The following MRAS variants were observed in gnomAD, a reference collection of about 807,000 sequenced individuals.
The protein encoded by MRAS is ras-related protein M-Ras.
MRAS carries 4 observed loss-of-function variants against 20.9 expected under a neutral mutation model. The observed-to-expected ratio is 0.19, with a 90% CI of 0.09 to 0.44. The LOEUF is 0.44. Among genes scored for constraint, MRAS ranks in the 20% least tolerant of loss-of-function variants. MRAS has a pLI of 0.99. For synonymous variants in MRAS, 98 were observed against 102.9 expected (o/e 0.95, Z 0.29); for missense variants, 154 against 277.5 (o/e 0.56, Z 3.16).
At chr3:138,381,195 C>A (rs978313842) in intron 2 of MRAS, among the ~76,000 whole-genome samples, 2 of 152,224 alleles carry the variant, frequency 1.3e-5, no homozygotes, top group Non-Finnish European at 2.9e-5. Context: ...AATAACGCTG[C>A]TATGAGCATG....
chr3:138,359,983 ATTC>A (rs1460736782), intron 1 of MRAS, among the ~76,000 whole-genome samples: 1 of 152,330 alleles, frequency 6.6e-6, no homozygotes, highest in Admixed American at 6.5e-5. Context: ...ATTGCTGGCT[ATTC>A]TTTAAAAATT....
At chr3:138,358,866 AGG>A (rs984637249) in intron 1 of MRAS, among the ~76,000 whole-genome samples, 1 of 152,226 alleles carries the variant, frequency 6.6e-6, no homozygotes, top group African/African-American at 2.4e-5. Flanking sequence ...GCATGTGGTC[AGG>A]GCTTAATAAA....
chr3:138,399,445 A>C (rs754715366), intron 4 of MRAS, among the ~76,000 whole-genome samples: 2 of 152,210 alleles, frequency 1.3e-5, no homozygotes, highest in Non-Finnish European at 2.9e-5. Flanking sequence ...GTGCACATCC[A>C]ACCTCACGCG....
chr3:138,358,552 T>A (rs1477529840), intron 1 of MRAS, among the ~76,000 whole-genome samples: 2 of 152,208 alleles, frequency 1.3e-5, no homozygotes, highest in Non-Finnish European at 2.9e-5. Context: ...TTTTGTAACA[T>A]AAGGATTAGA....
intron 5 of MRAS, 28 bp downstream of exon 5, chr3:138,400,641 G>C (rs778714349): frequency 1.3e-6 from 2 of 1,576,284 alleles, no homozygotes; most frequent in Non-Finnish European, 1.7e-6. Context: ...CCTAGAAGCG[G>C]GCCTCCACAG....
chr3:138,390,887 C>T (rs2055118910), intron 2 of MRAS, among the ~76,000 whole-genome samples: 2 of 152,204 alleles, frequency 1.3e-5, no homozygotes, highest in Non-Finnish European at 2.9e-5. Flanking sequence ...ATTTATATTT[C>T]TTGAACCATC....
rs777081372 is a variant in MRAS at position 138,402,157 on chromosome 3, A to G, written c.528-13A>G. 3.1e-6 allele frequency: 5 copies of G among 1,613,282 alleles called. No individual in the cohort carries two copies. Among genetic ancestry groups the G allele is most frequent in the Non-Finnish European group, 1.7e-6 (2 of 1,179,282 alleles). ...TTCTGACTTTGTCTTTCTGTCCTTC[A>G]TTGTTTCAAAAGGCAACAGATTCCG... On this transcript the variant is annotated splice_polypyrimidine_tract_variant and intron_variant, in intron 5 of 5. Coordinates refer to ENST00000423968, the MANE Select transcript of MRAS (RefSeq NM_001085049.3).
In MRAS at chr3:138,371,941, TCTTCA is replaced by T. The variant is rs750835639; in HGVS notation, c.-18-920_-18-916del. Among the ~76,000 whole-genome samples, 83 of 152,244 alleles carry T rather than the reference TCTTCA, an allele frequency of 5.5e-4. 1 individual carries two copies. Among genetic ancestry groups the T allele is most frequent in the Non-Finnish European group, 9.1e-4 (62 of 68,028 alleles). On this transcript the variant is annotated intron_variant, in intron 1 of 5. Transcript: ENST00000423968. ...TTGTGACACTGTTTACAAAGGTCACTCTTCACTTCTGTTAAGGCCCAATTATTCTT... is the reference window on the plus strand; with the variant it reads ...TTGTGACACTGTTTACAAAGGTCACTCTTCTGTTAAGGCCCAATTATTCTT...
chr3:138,348,120 A>G (rs1413742616), upstream of MRAS: 2 of 152,260 alleles, frequency 1.3e-5, no homozygotes, highest in Non-Finnish European at 2.9e-5. Flanking sequence ...TCTGGAAGAA[A>G]GACGTCTCAG....
At chr3:138,387,192 G>A (rs777964483) in intron 2 of MRAS, among the ~76,000 whole-genome samples, 18 of 152,232 alleles carry the variant, frequency 1.2e-4, no homozygotes, top group Non-Finnish European at 2.1e-4. Context: ...TGAAGGCCCT[G>A]GAAGTTGATG....
chr3:138,395,884 T>C (rs1452719268), intron 2 of MRAS, among the ~76,000 whole-genome samples: 1 of 152,208 alleles, frequency 6.6e-6, no homozygotes, highest in African/African-American at 2.4e-5. Flanking sequence ...TATTTTTTGA[T>C]TCAAGTACTG....
chr3:138,351,823 CT>C (rs1469662969), intron 1 of MRAS, among the ~76,000 whole-genome samples: 11 of 152,220 alleles, frequency 7.2e-5, no homozygotes, highest in African/African-American at 2.4e-4. Context: ...GTCACAGCCT[CT>C]TTAATATGTT....
intron 2 of MRAS, among the ~76,000 whole-genome samples, chr3:138,378,915 T>C (rs550597926): frequency 6.6e-6 from 1 of 152,216 alleles, no homozygotes; most frequent in South Asian, 2.1e-4. Context: ...ACTATTCTGC[T>C]TGCTCCCTTT....
chr3:138,385,834 A>G lies in MRAS; in HGVS notation c.194-11490A>G, dbSNP rs137913793. 6.4e-3 allele frequency among the ~76,000 whole-genome samples: 975 copies of G among 152,238 alleles called. 7 individuals are homozygous for G. Among genetic ancestry groups the G allele is most frequent in the African/African-American group, 0.023 (935 of 41,534 alleles). Reference sequence around the variant, plus strand: ...CAGGCCAATGTATTTTTGTTTTAAGATGAGAGAAATTACAGCACATTTACC... The same window carrying G: ...CAGGCCAATGTATTTTTGTTTTAAGGTGAGAGAAATTACAGCACATTTACC... On this transcript the variant is annotated intron_variant, in intron 2 of 5. Coordinates refer to ENST00000423968, the MANE Select transcript of MRAS (RefSeq NM_001085049.3).
intron 1 of MRAS, among the ~76,000 whole-genome samples, chr3:138,365,768 G>A (rs553433608): frequency 1.3e-5 from 2 of 152,352 alleles, no homozygotes; most frequent in South Asian, 4.1e-4. Context: ...AGCAGTCACT[G>A]TGTTCTGCTG....
intron 3 of MRAS, 79 bp from the exon 4 acceptor site, chr3:138,398,390 T>G: frequency 1.9e-5 from 23 of 1,189,380 alleles, no homozygotes; most frequent in Non-Finnish European, 2.8e-5. Flanking sequence ...GTGCTATGCC[T>G]GAGATGTGAA....
chr3:138,360,290 C>G (rs1275635218), intron 1 of MRAS, among the ~76,000 whole-genome samples: 2 of 152,206 alleles, frequency 1.3e-5, no homozygotes, highest in Non-Finnish European at 2.9e-5. Flanking sequence ...GATGCCTGGC[C>G]CTGGGATCCG....
intron 1 of MRAS, among the ~76,000 whole-genome samples, chr3:138,368,191 C>T (rs987292042): frequency 3.9e-5 from 6 of 152,164 alleles, no homozygotes; most frequent in African/African-American, 1.4e-4. Context: ...CCCACACAGG[C>T]CTATTTTGTC....
At chr3:138,355,989 G>A (rs1371393356) in intron 1 of MRAS, among the ~76,000 whole-genome samples, 1 of 152,210 alleles carries the variant, frequency 6.6e-6, no homozygotes, top group Non-Finnish European at 1.5e-5. Context: ...TGGAGATGCT[G>A]CAAAAGCCAG....
Sources: allele counts gnomAD v4.1 joint callset (sites outside exome capture counted in the v4.1 genomes callset), GRCh38; gene constraint gnomAD v4.1.1; transcripts MANE v1.5; gene names NCBI Gene and HGNC (gene_info 2026-07-23, HGNC 2026-07-21).